CDCP1: variants seen among roughly 807,000 people sequenced by gnomAD.
CDCP1 encodes the protein CUB domain-containing protein 1.
CDCP1 carries 29 observed loss-of-function variants against 60.2 expected under a neutral mutation model. The ratio of observed to expected loss-of-function variants is 0.48; its 90% CI spans 0.36 to 0.66. The LOEUF (loss-of-function observed/expected upper bound fraction) is 0.66. CDCP1 is among the 30% of genes least tolerant of loss of function. The pLI is 0.00. For missense variants in CDCP1, 876 were observed against 1,074.3 expected (o/e 0.82, Z 2.58); for synonymous variants, 387 against 431.1 (o/e 0.90, Z 1.27).
chr3:45,140,669 G>A (rs1007067532), intron 1 of CDCP1, among the ~76,000 whole-genome samples: 1 of 152,150 alleles, frequency 6.6e-6, no homozygotes, highest in African/African-American at 2.4e-5. Flanking sequence ...TGAGGACGGA[G>A]AATTAAATGA....
chr3:45,137,867 C>T (rs1273271310), intron 1 of CDCP1, among the ~76,000 whole-genome samples: 1 of 151,988 alleles, frequency 6.6e-6, no homozygotes, highest in Non-Finnish European at 1.5e-5. Flanking sequence ...CAGATGTAGC[C>T]CAAGGCTGAA....
chr3:45,134,432 C>T (rs890131271), intron 1 of CDCP1, among the ~76,000 whole-genome samples: 44 of 152,214 alleles, frequency 2.9e-4, no homozygotes, highest in Non-Finnish European at 5.0e-4. Context: ...CCCAGATCTA[C>T]TTCTTTCTTA....
chr3:45,142,238 A>G (rs1403995827), intron 1 of CDCP1, among the ~76,000 whole-genome samples: 1 of 152,034 alleles, frequency 6.6e-6, no homozygotes, highest in Non-Finnish European at 1.5e-5. Flanking sequence ...GACCTCAATC[A>G]GGGGTCTTTC....
rs1698166958 is a variant in CDCP1 at position 45,085,151 on chromosome 3, A to G, written c.*487T>C. 1 of 154,142 alleles carries G rather than the reference A, an allele frequency of 6.5e-6. No homozygotes were observed. Among genetic ancestry groups the G allele is most frequent in the Non-Finnish European group, 1.4e-5 (1 of 69,402 alleles). The allele number at this position is 154,142 out of a possible 1,614,324, so 9.5% of individuals were successfully genotyped here. ...ATTACTAAGTCAGGTGAAAAGAGCT[A>G]GGTGGTTATACATTTGATCTCTTAA... On this transcript the variant is annotated 3_prime_UTR_variant, in exon 9 of 9. Transcript: ENST00000296129. The surrounding 1 kb of genome is among the most constrained non-coding windows in gnomAD (Gnocchi z 4.2).
intron 1 of CDCP1, among the ~76,000 whole-genome samples, chr3:45,142,828 G>C (rs565107329): frequency 2.7e-5 from 4 of 150,606 alleles, no homozygotes; most frequent in Admixed American, 2.6e-4. Context: ...ACGTGGAAAT[G>C]CGCGTCCAAA....
At chr3:45,136,916 G>A (rs964986578) in intron 1 of CDCP1, among the ~76,000 whole-genome samples, 5 of 152,266 alleles carry the variant, frequency 3.3e-5, no homozygotes, top group Middle Eastern at 3.4e-3. Context: ...GAGGAACTTC[G>A]CAGGGTGATG....
chr3:45,145,839 C>T (rs1699373655), intron 1 of CDCP1, among the ~76,000 whole-genome samples: 1 of 152,292 alleles, frequency 6.6e-6, no homozygotes, highest in East Asian at 1.9e-4. Context: ...CCCTGGGGCG[C>T]ACGGCGCGCC....
At chr3:45,092,569 A>G (rs1698314195) in intron 6 of CDCP1, among the ~76,000 whole-genome samples, 1 of 152,188 alleles carries the variant, frequency 6.6e-6, no homozygotes, top group African/African-American at 2.4e-5. Context: ...CTTATGACCA[A>G]AGATTCTTCT....
intron 1 of CDCP1, among the ~76,000 whole-genome samples, chr3:45,131,030 C>A (rs963968784): frequency 2.6e-5 from 4 of 152,134 alleles, no homozygotes; most frequent in Admixed American, 2.6e-4. Context: ...CCATGCCTGG[C>A]TAATTTTTTT....
Position 45,118,400 on chromosome 3 carries a change from G to A in CDCP1, c.292+12C>T. The A allele has an allele frequency of 6.3e-7, 1 of 1,591,512 alleles. No individual in the cohort carries two copies. Among genetic ancestry groups the A allele is most frequent in the Non-Finnish European group, 8.6e-7 (1 of 1,159,358 alleles). On this transcript the variant is annotated intron_variant, in intron 2 of 8. Transcript: ENST00000296129. Reference sequence around the variant, plus strand: ...AAAGACATTGTCAAACAGCTCACAAGTGTCTACTTACCAATATTTTTCTGG... The same window carrying A: ...AAAGACATTGTCAAACAGCTCACAAATGTCTACTTACCAATATTTTTCTGG...
chr3:45,085,413 A>C lies in CDCP1; in HGVS notation c.*225T>G. 1 of 538,980 alleles carries C rather than the reference A, an allele frequency of 1.9e-6. No homozygotes were observed. Among genetic ancestry groups the C allele is most frequent in the East Asian group, 3.2e-5 (1 of 31,134 alleles). The allele number at this position is 538,980 out of a possible 1,614,324, so 33.4% of individuals were successfully genotyped here. On this transcript the variant is annotated 3_prime_UTR_variant, in exon 9 of 9. Transcript: ENST00000296129. This position sits in a 1 kb window ranked among gnomAD's most constrained non-coding sequence, Gnocchi z 4.2. ...GCTAACCGCACAGCCTAAGTTGAGG[A>C]GCACATGAGCTGTCATGACTGTATC...
At chr3:45,132,028 G>T (rs1055775586) in intron 1 of CDCP1, among the ~76,000 whole-genome samples, 3 of 152,106 alleles carry the variant, frequency 2.0e-5, no homozygotes, top group African/African-American at 7.2e-5. Flanking sequence ...GAGGTCAGGA[G>T]TTCGAGACCA....
intron 4 of CDCP1, among the ~76,000 whole-genome samples, chr3:45,099,478 T>A (rs545800690): frequency 9.8e-4 from 149 of 152,220 alleles, no homozygotes; most frequent in African/African-American, 3.3e-3. Context: ...TGTGCCTTGG[T>A]GTGGGTCTAT....
Position 45,091,793 on chromosome 3 carries a change from T to C in CDCP1, c.1628-255A>G, listed in dbSNP as rs1403384104. On this transcript the variant is annotated intron_variant, in intron 6 of 8. Transcript: ENST00000296129. The surrounding 1 kb of genome is among the most constrained non-coding windows in gnomAD (Gnocchi z 4.8). The stretch of plus-strand genomic sequence containing the variant: ...TTTGTTTCATGTTAATTTATTATTA[T>C]TAGTTATTTTTGAGAGGGAGTCTCA... Among the ~76,000 whole-genome samples, 1 of 152,188 alleles carries C rather than the reference T, an allele frequency of 6.6e-6. No individual in the cohort carries two copies. The highest frequency in any genetic ancestry group is 1.5e-5 in the Non-Finnish European group (1 of 68,032).
chr3:45,125,163 G>C (rs34705961), intron 1 of CDCP1, among the ~76,000 whole-genome samples: 1 of 152,204 alleles, frequency 6.6e-6, no homozygotes, highest in Non-Finnish European at 1.5e-5. Flanking sequence ...AGGAATAGCA[G>C]GTGCAAAGAT....
At chr3:45,095,079 G>A (rs527922631) in intron 5 of CDCP1, among the ~76,000 whole-genome samples, 186 of 152,044 alleles carry the variant, frequency 1.2e-3, no homozygotes, top group Non-Finnish European at 2.4e-3. Flanking sequence ...GATTATAGGC[G>A]CCTGCCACCA....
chr3:45,117,083 T>C (rs939890721), intron 2 of CDCP1, among the ~76,000 whole-genome samples: 1 of 152,220 alleles, frequency 6.6e-6, no homozygotes, highest in African/African-American at 2.4e-5. Context: ...GTTTTTAAAA[T>C]TGATTTCTAA....
chr3:45,103,264 C>G (rs780921943), intron 4 of CDCP1, among the ~76,000 whole-genome samples: 1 of 152,104 alleles, frequency 6.6e-6, no homozygotes, highest in Non-Finnish European at 1.5e-5. Context: ...CTTTTTTTCT[C>G]TCTGCAGAAT....
intron 1 of CDCP1, 85 bp downstream of exon 1, chr3:45,146,121 G>A: frequency 7.9e-7 from 1 of 1,264,964 alleles, no homozygotes. Context: ...CGCACCCTGC[G>A]TCCCTCGGCC....
Sources: gnomAD v4.1 joint callset for allele counts (sites outside exome capture counted in the v4.1 genomes callset) on GRCh38, gnomAD v4.1.1 for gene constraint, Gnocchi (gnomAD v3.1) non-coding constraint, MANE v1.5 for transcripts, NCBI Gene and HGNC (gene_info 2026-07-23, HGNC 2026-07-21) for gene names.